TMTC2: variants seen among roughly 807,000 people sequenced by gnomAD.
TMTC2 encodes transmembrane O-mannosyltransferase targeting cadherins 2, also known as protein O-mannosyl-transferase TMTC2.
In TMTC2, 43 loss-of-function variants were observed where a neutral mutation model predicts 82.4. That is an observed-to-expected ratio of 0.52 (90% CI 0.41 to 0.67). The LOEUF (loss-of-function observed/expected upper bound fraction) is 0.67, where lower values mean the gene tolerates loss of function less well. TMTC2 is among the 30% of genes least tolerant of loss of function. TMTC2 has a pLI of 0.00. For missense variants in TMTC2, 919 were observed against 1,012.4 expected, an observed-to-expected ratio of 0.91 and a Z score of 1.25; for synonymous variants, 408 against 381.9, an observed-to-expected ratio of 1.07 and a Z score of -0.80.
chr12:82,992,940 T>G (rs953074899), intron 8 of TMTC2, among the ~76,000 whole-genome samples: 35 of 152,334 alleles, frequency 2.3e-4, no homozygotes, highest in African/African-American at 7.9e-4. Flanking sequence ...CCACATGAGA[T>G]AATTTCAGCT....
chr12:82,961,338 G>A (rs1877921802), intron 4 of TMTC2, among the ~76,000 whole-genome samples: 1 of 151,786 alleles, frequency 6.6e-6, no homozygotes, highest in African/African-American at 2.4e-5. Flanking sequence ...AGTCATAACA[G>A]TGCTAGAATT....
intron 8 of TMTC2, among the ~76,000 whole-genome samples, chr12:82,997,412 G>GTATATA (rs201322827): frequency 2.8e-5 from 1 of 35,248 alleles, no homozygotes; most frequent in African/African-American, 6.8e-5. Flanking sequence ...ATATATATGT[G>GTATATA]TATATATATA....
chr12:82,812,989 A>G (rs532328680), intron 1 of TMTC2, among the ~76,000 whole-genome samples: 1 of 152,178 alleles, frequency 6.6e-6, no homozygotes, highest in South Asian at 2.1e-4. Context: ...TCCAGTTTTT[A>G]CCATTCAGTG....
At chr12:82,760,680 A>T (rs1036676350) in intron 1 of TMTC2, among the ~76,000 whole-genome samples, 2 of 152,030 alleles carry the variant, frequency 1.3e-5, no homozygotes, top group East Asian at 3.9e-4. Context: ...GCGAAACTTC[A>T]TCTGTATTTA....
intron 2 of TMTC2, among the ~76,000 whole-genome samples, chr12:82,882,162 G>A (rs1231606460): frequency 1.3e-5 from 2 of 150,442 alleles, no homozygotes; most frequent in Middle Eastern, 3.2e-3. Context: ...ACTACGCCCA[G>A]CTAATTTTTT....
At chr12:83,011,130 C>T (rs568078832) in intron 8 of TMTC2, among the ~76,000 whole-genome samples, 21 of 152,272 alleles carry the variant, frequency 1.4e-4, no homozygotes, top group East Asian at 3.9e-4. Flanking sequence ...CCACTGCGCC[C>T]GGCCTGACGA....
intron 2 of TMTC2, among the ~76,000 whole-genome samples, chr12:82,885,953 TAA>T (rs972799493): frequency 1.3e-5 from 2 of 152,222 alleles, no homozygotes; most frequent in African/African-American, 2.4e-5. Context: ...AGAATATATA[TAA>T]GTTATTTGGA....
rs148948209 is a variant in TMTC2, at chr12:83,001,503, C to T, written c.2070+15457C>T. Among the ~76,000 whole-genome samples the T allele has an allele frequency of 9.7e-3, 1,478 of 151,734 alleles. 21 individuals carry two copies. Among genetic ancestry groups the T allele is most frequent in the African/African-American group, 0.034 (1,418 of 41,306 alleles). On this transcript the variant is annotated intron_variant, in intron 8 of 11. Transcript: ENST00000321196. Reference sequence around the variant, plus strand: ...AAACAAAATTAGCTGGGCTTGGTGGCGCATGCTTGTAATCTCAGCTACTTG... The same window carrying T: ...AAACAAAATTAGCTGGGCTTGGTGGTGCATGCTTGTAATCTCAGCTACTTG...
chr12:82,963,124 T>C (rs926519686), intron 4 of TMTC2, among the ~76,000 whole-genome samples: 2 of 151,938 alleles, frequency 1.3e-5, no homozygotes, highest in African/African-American at 4.8e-5. Flanking sequence ...GTAAATGGGA[T>C]TGGGGCATTG....
At chr12:82,907,983 GC>G (rs1874415453) in intron 3 of TMTC2, among the ~76,000 whole-genome samples, 1 of 151,974 alleles carries the variant, frequency 6.6e-6, no homozygotes. Flanking sequence ...ATGGTGGCAG[GC>G]ACCTGTAGTC....
At chr12:82,778,668 T>A (rs904459737) in intron 1 of TMTC2, among the ~76,000 whole-genome samples, 9 of 151,356 alleles carry the variant, frequency 5.9e-5, no homozygotes, top group Non-Finnish European at 1.0e-4. Context: ...GCTAAAACGG[T>A]GAAACCCCGT....
chr12:82,847,834 A>T (rs1476653429), intron 1 of TMTC2, among the ~76,000 whole-genome samples: 2 of 152,054 alleles, frequency 1.3e-5, no homozygotes, highest in Non-Finnish European at 2.9e-5. Flanking sequence ...ATTAGGAGAA[A>T]TACCTAATGT....
intron 3 of TMTC2, among the ~76,000 whole-genome samples, chr12:82,926,769 G>A (rs2137237120): frequency 6.6e-6 from 1 of 152,198 alleles, no homozygotes; most frequent in Admixed American, 6.5e-5. Flanking sequence ...AAAAATCCTA[G>A]GGCCCTTAAG....
chr12:82,912,236 C>T (rs1874712048), intron 3 of TMTC2, among the ~76,000 whole-genome samples: 1 of 152,196 alleles, frequency 6.6e-6, no homozygotes, highest in South Asian at 2.1e-4. Flanking sequence ...TGTAATATAT[C>T]AGCTCAGAGT....
At chr12:82,946,546 T>C (rs1267511608) in intron 4 of TMTC2, among the ~76,000 whole-genome samples, 2 of 152,128 alleles carry the variant, frequency 1.3e-5, no homozygotes, top group African/African-American at 4.8e-5. Context: ...AGCGACCCTA[T>C]TGTTACAGAT....
chr12:82,859,300 T>A (rs1871412836), intron 2 of TMTC2, among the ~76,000 whole-genome samples: 1 of 152,110 alleles, frequency 6.6e-6, no homozygotes, highest in South Asian at 2.1e-4. Context: ...TCTCTTGACC[T>A]CGTGATCTGC....
chr12:83,095,402 A>G (rs1036228879), intron 11 of TMTC2, among the ~76,000 whole-genome samples: 7 of 151,802 alleles, frequency 4.6e-5, no homozygotes, highest in Admixed American at 4.6e-4. Flanking sequence ...CACCATGCCC[A>G]GCTAATTTTT....
intron 1 of TMTC2, among the ~76,000 whole-genome samples, chr12:82,773,771 T>A (rs1297097101): frequency 6.6e-6 from 1 of 152,134 alleles, no homozygotes; most frequent in Non-Finnish European, 1.5e-5. Flanking sequence ...TGATACTTCT[T>A]TAGCCAGGAT....
intron 1 of TMTC2, among the ~76,000 whole-genome samples, chr12:82,754,578 G>A (rs1056325712): frequency 2.0e-5 from 3 of 151,680 alleles, no homozygotes; most frequent in Admixed American, 1.3e-4. Context: ...CTACTAAAAC[G>A]GTACAAAAAT....
Sources: gnomAD v4.1 joint callset for allele counts (sites outside exome capture counted in the v4.1 genomes callset) on GRCh38, gnomAD v4.1.1 for gene constraint, MANE v1.5 for transcripts, NCBI Gene and HGNC (gene_info 2026-07-23, HGNC 2026-07-21) for gene names.